FCHO2: variants seen among roughly 807,000 people sequenced by gnomAD.
FCHO2 encodes FCH and mu domain containing endocytic adaptor 2.
FCHO2 carries 43 observed loss-of-function variants against 114.1 expected under a neutral mutation model. The ratio of observed to expected loss-of-function variants is 0.38; its 90% confidence interval spans 0.30 to 0.49. FCHO2 has a LOEUF of 0.49. Ranked by LOEUF, FCHO2 falls within the 20% of genes least tolerant of loss-of-function variation. The pLI, the probability that FCHO2 is intolerant of heterozygous loss-of-function variation, is 0.97. For missense variants in FCHO2, 807 were observed against 950.4 expected (o/e 0.85, Z 1.98); for synonymous variants, 293 against 315.2 (o/e 0.93, Z 0.75).
Position 72,992,986 on chromosome 5 carries a change from C to T in FCHO2, c.495+2122C>T, listed in dbSNP as rs183862931. On this transcript the variant is annotated intron_variant, in intron 5 of 25. Coordinates refer to ENST00000430046, the MANE Select transcript of FCHO2 (RefSeq NM_138782.3). Reference sequence around the variant, plus strand: ...AAAATAAAAAAAAAAAACTCCTATTCTGAATGAGCAAACAACCAAAATTGT... The same window carrying T: ...AAAATAAAAAAAAAAAACTCCTATTTTGAATGAGCAAACAACCAAAATTGT... Among the ~76,000 whole-genome samples, 43 of 151,518 alleles carry T rather than the reference C, an allele frequency of 2.8e-4. 1 individual carries two copies. The East Asian group carries it at 7.4e-3, about 26-fold the overall frequency.
At chr5:73,079,643 T>C (rs1743028808) in intron 22 of FCHO2, among the ~76,000 whole-genome samples, 1 of 152,228 alleles carries the variant, frequency 6.6e-6, no homozygotes, top group South Asian at 2.1e-4. Context: ...TGGGTGAAGA[T>C]ACAGTTGACC....
chr5:72,971,986 G>A (rs1172823869), intron 2 of FCHO2, among the ~76,000 whole-genome samples: 1 of 151,240 alleles, frequency 6.6e-6, no homozygotes, highest in Non-Finnish European at 1.5e-5. Flanking sequence ...GTTTTTCTCA[G>A]GTTTGTCAAA....
intron 6 of FCHO2, among the ~76,000 whole-genome samples, chr5:73,011,839 G>C (rs1230841792): frequency 6.6e-6 from 1 of 151,996 alleles, no homozygotes; most frequent in Non-Finnish European, 1.5e-5. Context: ...GAAGCTGAGA[G>C]GTGGTGGTTG....
chr5:72,991,681 T>G (rs1201046661), intron 5 of FCHO2, among the ~76,000 whole-genome samples: 1 of 152,230 alleles, frequency 6.6e-6, no homozygotes, highest in Non-Finnish European at 1.5e-5. Context: ...TTATTTGATG[T>G]GGTATATCTC....
chr5:73,066,440 A>C (rs1018326768), intron 18 of FCHO2, among the ~76,000 whole-genome samples: 5 of 151,970 alleles, frequency 3.3e-5, no homozygotes, highest in African/African-American at 1.2e-4. Context: ...TTTTTTAATA[A>C]AAAATTTTAA....
rs1490353479 is a variant in FCHO2, at chr5:73,078,246, C to T, written c.1914C>T (p.Tyr638=). 6.3e-7 allele frequency: 1 copy of T among 1,592,580 alleles called. No homozygotes were observed. The highest frequency in any genetic ancestry group is 1.7e-5 in the Admixed American group (1 of 57,980). ...FWMNMQAVTV[Y]LKKLSEQNPA... is the part of the protein sequence containing the mutation. ...TGAACATGCAAGCTGTTACAGTCTA[C>T]CTCAAGAAGCTGTCAGAGCAAAATC... The change falls in exon 22 of 26, where the codon TAC becomes TAT. Residue 638 remains tyrosine (Y), a synonymous_variant. Coordinates refer to ENST00000430046, the MANE Select transcript of FCHO2 (RefSeq NM_138782.3).
intron 18 of FCHO2, among the ~76,000 whole-genome samples, 189 bp downstream of exon 18, chr5:73,064,133 C>G (rs372103717): frequency 3.9e-5 from 6 of 152,158 alleles, no homozygotes; most frequent in South Asian, 2.1e-4. Flanking sequence ...ACCTGTGAGA[C>G]ACGACATTGT....
At chr5:72,989,741 A>G (rs1364878636) in intron 3 of FCHO2, among the ~76,000 whole-genome samples, 1 of 152,302 alleles carries the variant, frequency 6.6e-6, no homozygotes, top group South Asian at 2.1e-4. Context: ...TAGTCATTCA[A>G]TAGTGTTTGA....
rs767298248 is a variant in FCHO2, at chr5:73,074,661, C to G, written c.1580-81C>G. The stretch of plus-strand genomic sequence containing the variant: ...CAGTGGTAGGGTCGTTTGTGACAGC[C>G]TAACAATGTGAATCTAACTATCTTG... On this transcript the variant is annotated intron_variant, in intron 19 of 25. Transcript: ENST00000430046. The G allele has an allele frequency of 1.1e-5, 14 of 1,326,592 alleles. No homozygotes were observed. The South Asian group carries it at 1.2e-4, about 11-fold the overall frequency. 82.2% of individuals were successfully genotyped at this position (1,326,592 alleles called of 1,614,324 possible).
intron 8 of FCHO2, among the ~76,000 whole-genome samples, chr5:73,030,113 C>T (rs1055900779): frequency 1.3e-5 from 2 of 148,660 alleles, no homozygotes; most frequent in Non-Finnish European, 3.0e-5. Context: ...ATGATCTTGG[C>T]TCACTGCAAC....
At chr5:73,027,550 T>C (rs1756006761) in intron 8 of FCHO2, among the ~76,000 whole-genome samples, 1 of 152,110 alleles carries the variant, frequency 6.6e-6, no homozygotes, top group Non-Finnish European at 1.5e-5. Context: ...TTTTGTAGTT[T>C]AGAAGGACAC....
chr5:72,970,695 T>C (rs1216924480), intron 2 of FCHO2, among the ~76,000 whole-genome samples: 1 of 151,838 alleles, frequency 6.6e-6, no homozygotes. Context: ...TCTTTTTTTT[T>C]ATTTTTTATT....
At chr5:72,970,074 A>G (rs1261216000) in intron 2 of FCHO2, among the ~76,000 whole-genome samples, 1 of 152,286 alleles carries the variant, frequency 6.6e-6, no homozygotes, top group African/African-American at 2.4e-5. Context: ...GTTTTCCTGC[A>G]ACTTACTCTG....
chr5:73,029,549 A>G (rs1756119523), intron 8 of FCHO2, among the ~76,000 whole-genome samples: 1 of 152,186 alleles, frequency 6.6e-6, no homozygotes, highest in African/African-American at 2.4e-5. Context: ...CGTCCATTCT[A>G]GTGTTGCTAA....
At chr5:73,037,258 A>G in intron 10 of FCHO2, 43 bp downstream of exon 10, 1 of 1,425,410 alleles carries the variant, frequency 7.0e-7, no homozygotes, top group Non-Finnish European at 9.6e-7. Flanking sequence ...TGTTTTTATA[A>G]GTGATTAAGA....
intron 2 of FCHO2, among the ~76,000 whole-genome samples, chr5:72,974,707 AAAGTT>A (rs1323525312): frequency 6.6e-6 from 1 of 152,010 alleles, no homozygotes; most frequent in African/African-American, 2.4e-5. Context: ...ATTTACATTT[AAAGTT>A]AATGTTGTTA....
At chr5:72,982,402 A>G (rs1753260259) in intron 2 of FCHO2, among the ~76,000 whole-genome samples, 2 of 152,118 alleles carry the variant, frequency 1.3e-5, no homozygotes. Context: ...AGTTCTTTAT[A>G]TATTTTGGAT....
intron 5 of FCHO2, among the ~76,000 whole-genome samples, chr5:73,005,788 ATG>A (rs1274270863): frequency 6.6e-6 from 1 of 152,136 alleles, no homozygotes; most frequent in Non-Finnish European, 1.5e-5. Flanking sequence ...ACTGCTTAAT[ATG>A]TTTTTTTAAT....
In FCHO2 at chr5:73,089,808, C is replaced by A. The variant is rs1464893562; in HGVS notation, c.*1718C>A. On this transcript the variant is annotated 3_prime_UTR_variant, in exon 26 of 26. Coordinates refer to ENST00000430046, the MANE Select transcript of FCHO2 (RefSeq NM_138782.3). ...AAATCTACTCTTTAGCAATATATAA[C>A]ACAGTATATGCTTTTTTATATATTC... is the stretch of plus-strand genomic sequence containing the variant. The A allele has an allele frequency of 1.3e-5, 2 of 152,470 alleles. No individual in the cohort carries two copies. Among genetic ancestry groups the A allele is most frequent in the Non-Finnish European group, 1.5e-5 (1 of 67,942 alleles). 9.4% of individuals were successfully genotyped at this position (152,470 alleles called of 1,614,324 possible). A position where few individuals can be genotyped will look rare whatever the true frequency, so the allele number is the denominator to read the frequency against.
Sources: allele counts gnomAD v4.1 joint callset (sites outside exome capture counted in the v4.1 genomes callset), GRCh38; gene constraint gnomAD v4.1.1; transcripts MANE v1.5; gene names NCBI Gene and HGNC (gene_info 2026-07-23, HGNC 2026-07-21).